Variants in TANK observed in about 807,000 individuals in gnomAD.
TANK encodes TRAF family member associated NFKB activator.
TANK carries 15 observed loss-of-function variants against 43.6 expected under a neutral mutation model. That is an observed-to-expected ratio of 0.34 (90% confidence interval 0.23 to 0.53). TANK has a LOEUF of 0.53. TANK is among the 20% of genes least tolerant of loss of function. The pLI, the probability that TANK is intolerant of heterozygous loss-of-function variation, is 0.94. For synonymous variants in TANK, 162 were observed against 178.2 expected, an observed-to-expected ratio of 0.91 and a Z score of 0.73; for missense variants, 417 against 498.6, an observed-to-expected ratio of 0.84 and a Z score of 1.56.
intron 4 of TANK, among the ~76,000 whole-genome samples, chr2:161,207,019 TG>T (rs1287811333): frequency 6.6e-6 from 1 of 152,102 alleles, no homozygotes; most frequent in East Asian, 1.9e-4. Context: ...GTAATAGTTT[TG>T]TTTTTTTTAA....
intron 6 of TANK, among the ~76,000 whole-genome samples, chr2:161,228,486 A>C (rs1687743673): frequency 6.6e-6 from 1 of 152,194 alleles, no homozygotes; most frequent in South Asian, 2.1e-4. Flanking sequence ...AGCCAAGATC[A>C]TGCCATTGCA....
intron 2 of TANK, among the ~76,000 whole-genome samples, chr2:161,186,200 A>G (rs1284848591): frequency 6.6e-6 from 1 of 152,200 alleles, no homozygotes; most frequent in Non-Finnish European, 1.5e-5. Context: ...AAAAAGTAAA[A>G]CAACGAAAGT....
intron 4 of TANK, chr2:161,205,106 CTT>C (rs748082920): frequency 4.2e-6 from 2 of 475,984 alleles, no homozygotes; most frequent in Non-Finnish European, 6.1e-6. Flanking sequence ...GGGAGGATCA[CTT>C]GAGCTCAGCA....
chr2:161,153,465 A>C (rs2105232199), intron 1 of TANK, among the ~76,000 whole-genome samples: 1 of 152,102 alleles, frequency 6.6e-6, no homozygotes, highest in East Asian at 1.9e-4. Context: ...AGGCAGATGG[A>C]TCTCTTGAGC....
In TANK at chr2:161,231,403, G is replaced by A; in HGVS notation, c.953G>A (p.Cys318Tyr). The A allele has an allele frequency of 3.7e-6, 6 of 1,614,170 alleles. No homozygotes were observed. Among genetic ancestry groups the A allele is most frequent in the East Asian group, 2.2e-5 (1 of 44,888 alleles). ...KTKPSNLVNT[C>Y]IRTTLDRAAC... ...AAGCCCTCAAATCTCGTAAACACTT[G>A]TATCAGGACAACTCTGGATAGAGCT... Residue 318 changes from cysteine to tyrosine, a missense_variant, in exon 7 of 8, where the codon TGT becomes TAT. Physicochemically the swap from Cys to Tyr is radical, Grantham distance 194 (BLOSUM62 -2). Transcript: ENST00000392749.
At chr2:161,193,789 C>A (rs1686023555) in intron 2 of TANK, among the ~76,000 whole-genome samples, 1 of 152,140 alleles carries the variant, frequency 6.6e-6, no homozygotes, top group African/African-American at 2.4e-5. Context: ...TCTGTTCACA[C>A]CCTCTAGCCA....
At chr2:161,207,694 T>C in intron 4 of TANK, 1 of 985,404 alleles carries the variant, frequency 1.0e-6, no homozygotes, top group Non-Finnish European at 1.2e-6. Flanking sequence ...TGTTGATCTA[T>C]ACTTAGTGAG....
intron 1 of TANK, among the ~76,000 whole-genome samples, chr2:161,150,604 TTTTTTC>T (rs1684048077): frequency 7.0e-6 from 1 of 142,468 alleles, no homozygotes; most frequent in Non-Finnish European, 1.5e-5. Context: ...TTTTTTTTTT[TTTTTTC>T]TTTTGAGATG....
intron 1 of TANK, among the ~76,000 whole-genome samples, chr2:161,163,947 C>A (rs901893657): frequency 7.9e-5 from 12 of 152,124 alleles, no homozygotes; most frequent in Non-Finnish European, 1.3e-4. Context: ...TTTTTGATCA[C>A]CTTCAAGAAT....
chr2:161,216,525 T>G (rs1687123898), intron 4 of TANK: 1 of 411,572 alleles, frequency 2.4e-6, no homozygotes, highest in African/African-American at 2.1e-5. Context: ...AAATGTTCAT[T>G]CCCCTTTGAC....
chr2:161,207,908 A>G (rs1480533298), intron 4 of TANK: 1 of 979,946 alleles, frequency 1.0e-6, no homozygotes, highest in Admixed American at 6.2e-5. Flanking sequence ...TCTATTTTTA[A>G]TATACTTTAA....
chr2:161,208,151 G>A (rs1186125744), intron 4 of TANK: 1 of 984,958 alleles, frequency 1.0e-6, no homozygotes, highest in Admixed American at 6.2e-5. Context: ...GTTTGAGAAG[G>A]GAAAGACTTG....
At chr2:161,140,096 G>T in intron 1 of TANK, 3 of 236,876 alleles carry the variant, frequency 1.3e-5, no homozygotes, top group Non-Finnish European at 2.1e-5. Flanking sequence ...ATCACTGATA[G>T]GTTTCAGTTT....
chr2:161,205,054 C>A, intron 4 of TANK: 1 of 974,440 alleles, frequency 1.0e-6, no homozygotes, highest in Admixed American at 4.8e-5. Flanking sequence ...GCTGGACACA[C>A]TGACTCACTC....
rs1687903419 is a variant in TANK, at chr2:161,231,404, T to C, written c.954T>C (p.Cys318=). 1 of 1,614,202 alleles carries C rather than the reference T, an allele frequency of 6.2e-7. No individual in the cohort carries two copies. Among genetic ancestry groups the C allele is most frequent in the South Asian group, 1.1e-5 (1 of 91,086 alleles). Residue 318 remains cysteine, a synonymous_variant, in exon 7 of 8, where the codon TGT becomes TGC. Transcript: ENST00000392749. Reference sequence around the variant, plus strand: ...AGCCCTCAAATCTCGTAAACACTTGTATCAGGACAACTCTGGATAGAGCTG... The same window carrying C: ...AGCCCTCAAATCTCGTAAACACTTGCATCAGGACAACTCTGGATAGAGCTG... The part of the protein sequence containing the change: ...KTKPSNLVNT[C]IRTTLDRAAC...
At chr2:161,141,494 C>A (rs1177076241) in intron 1 of TANK, among the ~76,000 whole-genome samples, 1 of 152,080 alleles carries the variant, frequency 6.6e-6, no homozygotes, top group East Asian at 1.9e-4. Context: ...GCCCCTCAAC[C>A]CTGACTGGCC....
At chr2:161,144,728 AT>A (rs1439588471) in intron 1 of TANK, among the ~76,000 whole-genome samples, 1 of 152,312 alleles carries the variant, frequency 6.6e-6, no homozygotes, top group East Asian at 1.9e-4. Flanking sequence ...TATGTGGTCT[AT>A]TTTAGAGTAA....
intron 2 of TANK, among the ~76,000 whole-genome samples, chr2:161,185,367 G>A (rs1685609562): frequency 6.6e-6 from 1 of 152,046 alleles, no homozygotes; most frequent in South Asian, 2.1e-4. Context: ...AGGGCAGATT[G>A]TAGTAGGCTG....
chr2:161,167,575 G>C (rs1215669461), intron 1 of TANK, among the ~76,000 whole-genome samples: 1 of 152,074 alleles, frequency 6.6e-6, no homozygotes, highest in Non-Finnish European at 1.5e-5. Flanking sequence ...TGCCTTGGGG[G>C]GTTGCTCCAT....
Sources: gnomAD v4.1 joint callset for allele counts (sites outside exome capture counted in the v4.1 genomes callset) on GRCh38, gnomAD v4.1.1 for gene constraint, MANE v1.5 for transcripts, NCBI Gene and HGNC (gene_info 2026-07-23, HGNC 2026-07-21) for gene names.